EDARADD: variants seen among roughly 807,000 people sequenced by gnomAD.
EDARADD encodes the protein ectodysplasin-A receptor-associated adapter protein.
EDARADD carries 20 observed loss-of-function variants against 25.6 expected under a neutral mutation model. The observed-to-expected ratio is 0.78, with a 90% CI of 0.55 to 1.14. EDARADD has a LOEUF of 1.14. EDARADD is among the 50% of genes most tolerant of loss of function. The probability of loss-of-function intolerance (pLI) is 0.00; values close to 1 mark genes in which losing one functional copy is unlikely to be tolerated. For synonymous variants in EDARADD, 86 were observed against 94.4 expected (o/e 0.91, Z 0.52); for missense variants, 225 against 270.1 (o/e 0.83, Z 1.17).
intron 1 of EDARADD, among the ~76,000 whole-genome samples, chr1:236,400,779 T>C (rs1431186426): frequency 1.4e-5 from 2 of 145,364 alleles, no homozygotes; most frequent in Non-Finnish European, 3.0e-5. Flanking sequence ...ATTGCCCAAG[T>C]AATCTCCTGA....
intron 4 of EDARADD, among the ~76,000 whole-genome samples, chr1:236,441,283 T>A (rs891909372): frequency 1.7e-4 from 24 of 144,338 alleles, no homozygotes; most frequent in African/African-American, 5.0e-4. Flanking sequence ...ATATATATAT[T>A]ATATATATAT....
At chr1:236,423,615 A>G (rs1333170718) in intron 3 of EDARADD, among the ~76,000 whole-genome samples, 3 of 152,148 alleles carry the variant, frequency 2.0e-5, no homozygotes, top group African/African-American at 7.2e-5. Flanking sequence ...GTGCCTTGTA[A>G]AGATATATCA....
intron 5 of EDARADD, among the ~76,000 whole-genome samples, chr1:236,477,327 A>G (rs1488832579): frequency 2.0e-5 from 3 of 151,972 alleles, no homozygotes; most frequent in African/African-American, 7.2e-5. Context: ...CATCCTGGCT[A>G]ACAGAGTGAA....
rs567662752 is a variant in EDARADD, at chr1:236,365,068, A to C, written c.-6+14229A>C. On this transcript the variant is annotated intron_variant, in intron 3 of 7. Coordinates refer to the EDARADD transcript ENST00000439430. ...GGAAATTCCCTTTTATTCCAAGTTT[A>C]CTGAGACTATCAGGAATTGGTGTTG... Among the ~76,000 whole-genome samples, 4 of 152,132 alleles carry C rather than the reference A, an allele frequency of 2.6e-5. No homozygotes were observed. In the East Asian group the frequency reaches 5.8e-4, roughly 22 times the overall value.
At chr1:236,374,239 A>G (rs957544408) in intron 3 of EDARADD, among the ~76,000 whole-genome samples, 46 of 151,672 alleles carry the variant, frequency 3.0e-4, no homozygotes, top group African/African-American at 8.2e-4. Flanking sequence ...TCTGCCTGCT[A>G]GGTCTGTTCC....
intron 5 of EDARADD, among the ~76,000 whole-genome samples, chr1:236,473,280 G>C (rs928392072): frequency 4.6e-5 from 7 of 151,980 alleles, no homozygotes; most frequent in Non-Finnish European, 1.0e-4. Context: ...ACTTTAGCTC[G>C]GAAAGGGTAG....
At chr1:236,474,881 C>A (rs1659460792) in intron 5 of EDARADD, among the ~76,000 whole-genome samples, 1 of 152,112 alleles carries the variant, frequency 6.6e-6, no homozygotes, top group Non-Finnish European at 1.5e-5. Context: ...GCCTGTAGTC[C>A]CAGCACTTTG....
At chr1:236,420,990 T>C (rs1371275585) in intron 3 of EDARADD, among the ~76,000 whole-genome samples, 2 of 146,246 alleles carry the variant, frequency 1.4e-5, no homozygotes, top group East Asian at 4.0e-4. Flanking sequence ...TGTCTCGGCC[T>C]CCCAAAGTGC....
At chr1:236,459,802 C>T (rs1193061835) in intron 4 of EDARADD, among the ~76,000 whole-genome samples, 11 of 151,868 alleles carry the variant, frequency 7.2e-5, no homozygotes, top group African/African-American at 2.2e-4. Context: ...TTAGTAGAGA[C>T]GGGGTTTCAC....
Position 236,482,639 on chromosome 1 carries a change from G to A in EDARADD, c.638G>A (p.Arg213Lys). The part of the protein sequence containing the change: ...WPKRERGDPS[R>K]HF ...AAGCGGGAGCGTGGAGACCCCTCCAGGCACTTCTAGAGCTCTTCTTCTTCC... is the reference window on the plus strand; with the variant it reads ...AAGCGGGAGCGTGGAGACCCCTCCAAGCACTTCTAGAGCTCTTCTTCTTCC... Residue 213 changes from arginine (R) to lysine (K), a missense_variant, in exon 6 of 6, where the codon AGG becomes AAG. Physicochemically the swap from Arg to Lys is conservative, Grantham distance 26 (BLOSUM62 2). Coordinates refer to ENST00000334232, the MANE Select transcript of EDARADD (RefSeq NM_145861.4). The A allele has an allele frequency of 6.2e-7, 1 of 1,611,880 alleles. No individual in the cohort carries two copies. The highest frequency in any genetic ancestry group is 8.5e-7 in the Non-Finnish European group (1 of 1,180,018).
At chr1:236,355,027 C>T (rs984658649) in intron 3 of EDARADD, among the ~76,000 whole-genome samples, 9 of 152,290 alleles carry the variant, frequency 5.9e-5, no homozygotes, top group African/African-American at 2.2e-4. Flanking sequence ...GAGAAAGCAC[C>T]TTTATTACAT....
intron 3 of EDARADD, among the ~76,000 whole-genome samples, chr1:236,378,513 G>A (rs1315971443): frequency 6.6e-6 from 1 of 152,072 alleles, no homozygotes; most frequent in Non-Finnish European, 1.5e-5. Flanking sequence ...CAATTCTGGG[G>A]GTAGGAATTT....
intron 3 of EDARADD, among the ~76,000 whole-genome samples, chr1:236,380,579 A>C (rs572761787): frequency 6.6e-6 from 1 of 152,304 alleles, no homozygotes; most frequent in East Asian, 1.9e-4. Flanking sequence ...TACATAAATA[A>C]GTTATTTATT....
upstream of EDARADD, among the ~76,000 whole-genome samples, chr1:236,394,125 G>C (rs1473988595): frequency 6.6e-6 from 1 of 152,122 alleles, no homozygotes; most frequent in Non-Finnish European, 1.5e-5. Context: ...CAATGCTTGA[G>C]GTTGGGCTGC....
chr1:236,445,234 C>CTTTTTTTTGTTTTTTTTT (rs1658501032), intron 4 of EDARADD, among the ~76,000 whole-genome samples: 1 of 89,698 alleles, frequency 1.1e-5, no homozygotes, highest in African/African-American at 3.5e-5. Context: ...ATAATAAATT[C>CTTTTTTTTGTTTTTTTTT]TTTTTTTTTT....
chr1:236,422,631 G>A (rs78274167), intron 3 of EDARADD, among the ~76,000 whole-genome samples: 4,966 of 152,244 alleles, frequency 0.033, 241 homozygotes, highest in African/African-American at 0.11. Context: ...TGTATGATGG[G>A]GGTGATGTCA....
chr1:236,433,410 C>G (rs990302939), intron 4 of EDARADD, among the ~76,000 whole-genome samples: 20 of 151,688 alleles, frequency 1.3e-4, no homozygotes, highest in African/African-American at 4.8e-4. Flanking sequence ...ACTAAAAATA[C>G]AAGCGATTCT....
intron 3 of EDARADD, among the ~76,000 whole-genome samples, chr1:236,372,052 G>T (rs1412416726): frequency 7.2e-5 from 11 of 152,044 alleles, no homozygotes; most frequent in Non-Finnish European, 1.6e-4. Flanking sequence ...TGACTCCCGG[G>T]TTCAAGCAAT....
At chr1:236,431,975 CTTG>C (rs1170098001) in intron 4 of EDARADD, among the ~76,000 whole-genome samples, 6 of 149,336 alleles carry the variant, frequency 4.0e-5, no homozygotes, top group Non-Finnish European at 8.9e-5. Context: ...ACCTTATAGA[CTTG>C]TTGGAGAGGC....
Sources: allele counts gnomAD v4.1 joint callset (sites outside exome capture counted in the v4.1 genomes callset), GRCh38; gene constraint gnomAD v4.1.1; transcripts MANE v1.5; gene names NCBI Gene and HGNC (gene_info 2026-07-23, HGNC 2026-07-21).